Variants in POMGNT1 observed in about 807,000 individuals in gnomAD.
POMGNT1 encodes protein O-linked mannose N-acetylglucosaminyltransferase 1 (beta 1,2-).
A neutral mutation model predicts 95.6 loss-of-function variants in POMGNT1; 67 were observed. The observed-to-expected ratio is 0.70, with a 90% CI of 0.58 to 0.86. The LOEUF is 0.86. POMGNT1 is among the 40% of genes least tolerant of loss of function. The pLI is 0.00. For synonymous variants in POMGNT1, 298 were observed against 317.9 expected, an observed-to-expected ratio of 0.94 and a Z score of 0.66; for missense variants, 719 against 855.2, an observed-to-expected ratio of 0.84 and a Z score of 1.99.
At position 46,189,890 on chromosome 1, in the gene POMGNT1, T is replaced by C. The variant is rs1657615658; in HGVS notation, c.1749A>G (p.Lys583=). 4 of 1,613,892 alleles carry C rather than the reference T, an allele frequency of 2.5e-6. No homozygotes were observed. Among genetic ancestry groups the C allele is most frequent in the Non-Finnish European group, 1.7e-6 (2 of 1,180,026 alleles). The change falls in exon 20 of 22, where the codon AAA becomes AAG. Residue 583 remains lysine, a synonymous_variant. Transcript: ENST00000371984. ...GGGTCCAGGTGGTGAAGTCATCATC[T>C]TTCTCCATTCGAATAAAGGCCACGT... ...HTYVAFIRME[K]DDDFTTWTQL...
chr1:46,212,342 G>C (rs1352351668), intron 1 of POMGNT1, among the ~76,000 whole-genome samples: 2 of 148,798 alleles, frequency 1.3e-5, no homozygotes, highest in East Asian at 4.0e-4. Flanking sequence ...GTGCAGTGGC[G>C]CGATCTCAGC....
chr1:46,192,489 C>T (rs1657861042), intron 15 of POMGNT1, 29 bp downstream of exon 15: 1 of 1,614,032 alleles, frequency 6.2e-7, no homozygotes, highest in Non-Finnish European at 8.5e-7. Context: ...CATAAACTCG[C>T]CTGCTAAACC....
chr1:46,201,697 CAAAAAAAAAA>C (rs59930051), upstream of POMGNT1, among the ~76,000 whole-genome samples: 1 of 85,962 alleles, frequency 1.2e-5, no homozygotes, highest in Non-Finnish European at 2.3e-5. Flanking sequence ...GACTCCATCT[CAAAAAAAAAA>C]AAAAAAAGAA....
Position 46,192,447 on chromosome 1 carries a change from G to C in POMGNT1, c.1285-11C>G, listed in dbSNP as rs1166289386. ...CGTGTGTTCATACCCCTGGGGACAG[G>C]GTGCCATAGTGGGAGGTATTAGCTG... is the stretch of plus-strand genomic sequence containing the variant. On this transcript the variant is annotated splice_polypyrimidine_tract_variant and intron_variant, in intron 15 of 21. Transcript: ENST00000371984. The C allele has an allele frequency of 6.2e-7, 1 of 1,614,144 alleles. No individual in the cohort carries two copies. The highest frequency in any genetic ancestry group is 8.5e-7 in the Non-Finnish European group (1 of 1,180,024).
chr1:46,193,700 GTT>G (rs1194379775), intron 10 of POMGNT1, 61 bp from the exon 11 acceptor site: 7 of 1,610,802 alleles, frequency 4.3e-6, no homozygotes, highest in Non-Finnish European at 3.4e-6. Flanking sequence ...GTTCCCCTGT[GTT>G]TACAGCTGGG....
intron 1 of POMGNT1, among the ~76,000 whole-genome samples, chr1:46,207,982 C>T (rs1386137059): frequency 1.3e-5 from 2 of 152,086 alleles, no homozygotes; most frequent in African/African-American, 2.4e-5. Context: ...ATTCTCCTGC[C>T]TCAGCTTCCT....
chr1:46,195,909 T>C lies in POMGNT1; in HGVS notation c.436A>G (p.Lys146Glu), dbSNP rs878863828. ...LNQATGHVMA[K>E]RVFDTYSPHE... is the part of the protein sequence containing the mutation. Reference sequence around the variant, plus strand: ...GGTGAGTACGTGTCAAACACACGTTTTGCCATCACGTGGCCCTGGCAGGGG... The same window carrying C: ...GGTGAGTACGTGTCAAACACACGTTCTGCCATCACGTGGCCCTGGCAGGGG... The change falls in exon 6 of 22, where the codon AAA (lysine) becomes GAA (glutamate). Residue 146 changes from lysine (K) to glutamate (E), a missense_variant. Lys to Glu is a moderately conservative substitution (Grantham distance 56). Around this residue, in one of 5 missense-constraint regions of POMGNT1, gnomAD observed 466 missense variants for 517.4 expected, o/e 0.90. Coordinates refer to ENST00000371984, the MANE Select transcript of POMGNT1 (RefSeq NM_017739.4). 6.2e-7 allele frequency: 1 copy of C among 1,614,116 alleles called. No homozygotes were observed. Among genetic ancestry groups the C allele is most frequent in the South Asian group, 1.1e-5 (1 of 91,066 alleles).
At position 46,189,916 on chromosome 1, in the gene POMGNT1, A is replaced by G. The variant is rs370705453; in HGVS notation, c.1723T>C (p.Tyr575His). The change falls in exon 20 of 22, where the codon TAC becomes CAC. Residue 575 changes from tyrosine (Y) to histidine (H), a missense_variant. Physicochemically the swap from Tyr to His is moderately conservative, Grantham distance 83. This residue lies in a region of POMGNT1 where 130 missense variants were observed against 149.2 expected (regional missense o/e 0.87). Coordinates refer to ENST00000371984, the MANE Select transcript of POMGNT1 (RefSeq NM_017739.4). ...SFLPDTEGHTYVAFIRMEKDD... is the reference protein window; with the variant it reads ...SFLPDTEGHTHVAFIRMEKDD... ...TTCTCCATTCGAATAAAGGCCACGT[A>G]GGTGTGGCCCTCTGTGTCTGGCAGG... is the stretch of plus-strand genomic sequence containing the variant. The G allele has an allele frequency of 6.2e-7, 1 of 1,614,054 alleles. No homozygotes were observed. Among genetic ancestry groups the G allele is most frequent in the Non-Finnish European group, 8.5e-7 (1 of 1,180,006 alleles).
chr1:46,197,774 C>T lies in POMGNT1; in HGVS notation c.48G>A (p.Arg16=). The T allele has an allele frequency of 6.2e-7, 1 of 1,614,162 alleles. No homozygotes were observed. The highest frequency in any genetic ancestry group is 8.5e-7 in the Non-Finnish European group (1 of 1,180,016). ...PSPLIKPFGA[R]KKRSWYLTWK... is the part of the protein sequence containing the mutation. The stretch of plus-strand genomic sequence containing the variant: ...AGGTAAGGTACCAGCTCCGCTTCTT[C>T]CGAGCCCCAAAGGGCTTGATGAGGG... Residue 16 remains arginine (R), a synonymous_variant, in exon 2 of 22, where the codon CGG becomes CGA. Transcript: ENST00000371984.
chr1:46,189,945 G>C lies in POMGNT1; in HGVS notation c.1694C>G (p.Ser565Cys). ...GTGGCCCTCTGTGTCTGGCAGGAAA[G>C]AGTCTTCACAAGGGTTCTTGCTGTG... ...LDHSKNPCEDSFLPDTEGHTY... is the reference protein window; with the variant it reads ...LDHSKNPCEDCFLPDTEGHTY... Residue 565 changes from serine to cysteine, a missense_variant, in exon 20 of 22, where the codon TCT becomes TGT. Physicochemically the swap from Ser to Cys is moderately radical, Grantham distance 112 (BLOSUM62 -1). Transcript: ENST00000371984. The C allele has an allele frequency of 1.2e-6, 2 of 1,614,150 alleles. No individual in the cohort carries two copies. Among genetic ancestry groups the C allele is most frequent in the Non-Finnish European group, 1.7e-6 (2 of 1,180,018 alleles).
At position 46,194,467 on chromosome 1, in the gene POMGNT1, C is replaced by T. The variant is rs184816230; in HGVS notation, c.752-66G>A. On this transcript the variant is annotated intron_variant, in intron 8 of 21. Transcript: ENST00000371984. ...CAAGGTTTGAAGAGCCCCAGGCACA[C>T]AATCAAAGGAATAAAGCTCCACAGA... 42 of 1,614,108 alleles carry T rather than the reference C, an allele frequency of 2.6e-5. No homozygotes were observed. The East Asian group carries it at 9.4e-4, about 36-fold the overall frequency.
rs1484482210 is a variant in POMGNT1 at position 46,189,922 on chromosome 1, G to C, written c.1717C>G (p.His573Asp). The change falls in exon 20 of 22, where the codon CAC becomes GAC. Residue 573 changes from histidine to aspartate, a missense_variant. Transcript: ENST00000371984. Reference protein sequence around the residue: ...EDSFLPDTEGHTYVAFIRMEK... With the variant: ...EDSFLPDTEGDTYVAFIRMEK... ...ATTCGAATAAAGGCCACGTAGGTGT[G>C]GCCCTCTGTGTCTGGCAGGAAAGAG... is the stretch of plus-strand genomic sequence containing the variant. The C allele has an allele frequency of 1.9e-6, 3 of 1,613,996 alleles. No individual in the cohort carries two copies. The highest frequency in any genetic ancestry group is 2.5e-6 in the Non-Finnish European group (3 of 1,180,038).
At chr1:46,201,708 AAAAAAAG>A (rs1658538838), upstream of POMGNT1, among the ~76,000 whole-genome samples, 4 of 151,468 alleles carry the variant, frequency 2.6e-5, no homozygotes, top group Admixed American at 6.6e-5. Context: ...AAAAAAAAAA[AAAAAAAG>A]AAAAAAGAAA....
At chr1:46,213,514 T>C (rs976490556) in intron 1 of POMGNT1, among the ~76,000 whole-genome samples, 15 of 151,904 alleles carry the variant, frequency 9.9e-5, no homozygotes, top group African/African-American at 3.6e-4. Flanking sequence ...AGAAGGTCTC[T>C]AGATTAAAAG....
intron 2 of POMGNT1, 195 bp from the exon 3 acceptor site, chr1:46,197,279 A>G (rs1257783709): frequency 7.9e-6 from 12 of 1,512,040 alleles, no homozygotes; most frequent in South Asian, 1.2e-5. Context: ...CTCCCCTGAC[A>G]CTTCCCCCTC....
At chr1:46,219,577 T>C in intron 1 of POMGNT1, 1 of 1,109,120 alleles carries the variant, frequency 9.0e-7, no homozygotes, top group Non-Finnish European at 1.3e-6. Context: ...CTGCAAGCCG[T>C]TATAATTCCA....
rs115804669 is a variant in POMGNT1, at chr1:46,193,964, C to G, written c.880-39G>C. 34,871 of 1,610,962 alleles carry G rather than the reference C, an allele frequency of 0.022. 545 individuals are homozygous for G. The highest frequency in any genetic ancestry group is 0.044 in the South Asian group (3,965 of 90,304). ...AGCGTTTAGCTCTTGCCTTATTCCC[C>G]CTTCAAACTGGGATCCCCACCTAGG... On this transcript the variant is annotated intron_variant, in intron 9 of 21. Coordinates refer to ENST00000371984, the MANE Select transcript of POMGNT1 (RefSeq NM_017739.4).
chr1:46,218,629 A>G (rs375553336), intron 1 of POMGNT1, among the ~76,000 whole-genome samples: 10 of 152,326 alleles, frequency 6.6e-5, no homozygotes, highest in African/African-American at 2.4e-4. Flanking sequence ...TGCAATGCCT[A>G]TAAAGGCTCT....
At position 46,188,960 on chromosome 1, in the gene POMGNT1, A is replaced by C. The variant is rs370793676; in HGVS notation, c.*310T>G. 106 of 1,611,918 alleles carry C rather than the reference A, an allele frequency of 6.6e-5. No homozygotes were observed. Among genetic ancestry groups the C allele is most frequent in the Non-Finnish European group, 8.8e-5 (104 of 1,179,436 alleles). On this transcript the variant is annotated 3_prime_UTR_variant, in exon 22 of 22. Coordinates refer to ENST00000371984, the MANE Select transcript of POMGNT1 (RefSeq NM_017739.4). ...AAGGCCCTCAGGACAGTCAATAAATAGGTTAGATTCTGAGCCAGGCCTGGA... is the reference window on the plus strand; with the variant it reads ...AAGGCCCTCAGGACAGTCAATAAATCGGTTAGATTCTGAGCCAGGCCTGGA...
Sources: allele counts gnomAD v4.1 joint callset (sites outside exome capture counted in the v4.1 genomes callset), GRCh38; gene constraint gnomAD v4.1.1; regional missense constraint gnomAD v4.1.1; transcripts MANE v1.5; gene names NCBI Gene and HGNC (gene_info 2026-07-23, HGNC 2026-07-21).